Variants in ALDH1L1 observed in about 807,000 individuals in gnomAD.
ALDH1L1 encodes the protein aldehyde dehydrogenase 1 family member L1.
ALDH1L1 carries 68 observed loss-of-function variants against 101.1 expected under a neutral mutation model. The observed-to-expected ratio is 0.67, with a 90% CI of 0.55 to 0.82. The LOEUF (loss-of-function observed/expected upper bound fraction) is 0.82. Among genes scored for constraint, ALDH1L1 ranks in the 40% least tolerant of loss-of-function variants. The pLI is 0.00. For synonymous variants in ALDH1L1, 486 were observed against 470.8 expected (o/e 1.03, Z -0.42); for missense variants, 1,087 against 1,172.7 (o/e 0.93, Z 1.07).
At chr3:126,189,853 AAAGCCAATGGTAGTGC>A (rs2081542243) in intron 1 of ALDH1L1, among the ~76,000 whole-genome samples, 3 of 152,204 alleles carry the variant, frequency 2.0e-5, no homozygotes, top group Non-Finnish European at 4.4e-5. Context: ...GATTCCCCGC[AAAGCCAATGGTAGTGC>A]CTTTGGCCAA....
In ALDH1L1 at chr3:126,118,002, C is replaced by T; in HGVS notation, c.1982+3G>A. On this transcript the variant is annotated splice_donor_region_variant and intron_variant, in intron 17 of 22. Transcript: ENST00000393434. ...CTCCTCTGCTCCACCCCCAGCCACG[C>T]ACCTTTTCATGATGTGCTTGCCCAC... is the stretch of plus-strand genomic sequence containing the variant. 1.2e-6 allele frequency: 2 copies of T among 1,612,970 alleles called. No homozygotes were observed. Among genetic ancestry groups the T allele is most frequent in the Non-Finnish European group, 8.5e-7 (1 of 1,179,596 alleles).
At chr3:126,194,501 T>C (rs74497809) in intron 1 of ALDH1L1, among the ~76,000 whole-genome samples, 3 of 152,168 alleles carry the variant, frequency 2.0e-5, no homozygotes, top group African/African-American at 7.2e-5. Flanking sequence ...TGAGGTGAGA[T>C]TCTTATAAAC....
At chr3:126,127,540 A>G (rs2080215201) in intron 14 of ALDH1L1, among the ~76,000 whole-genome samples, 1 of 151,936 alleles carries the variant, frequency 6.6e-6, no homozygotes, top group Non-Finnish European at 1.5e-5. Context: ...TGGGCAGGGG[A>G]CACCAAGCAA....
chr3:126,123,940 CAAG>C (rs1018895711), intron 16 of ALDH1L1, among the ~76,000 whole-genome samples: 2 of 152,134 alleles, frequency 1.3e-5, no homozygotes, highest in African/African-American at 2.4e-5. Context: ...GAAATCTGCA[CAAG>C]AAGAGACTTT....
upstream of ALDH1L1, among the ~76,000 whole-genome samples, chr3:126,183,005 A>T (rs930752343): frequency 1.3e-5 from 2 of 152,218 alleles, no homozygotes; most frequent in African/African-American, 2.4e-5. Flanking sequence ...GCTTCTCCAG[A>T]TGTCATATGA....
intron 17 of ALDH1L1, among the ~76,000 whole-genome samples, chr3:126,115,874 CT>C (rs969613302): frequency 6.0e-4 from 87 of 145,714 alleles, no homozygotes; most frequent in East Asian, 2.2e-3. Flanking sequence ...AGCACCCAGC[CT>C]TTTTTTTTTT....
In ALDH1L1 at chr3:126,157,498, G is replaced by T; in HGVS notation, c.373C>A (p.His125Asn). Residue 125 changes from histidine (H) to asparagine (N), a missense_variant, in exon 4 of 23, where the codon CAC becomes AAC. Coordinates refer to ENST00000393434, the MANE Select transcript of ALDH1L1 (RefSeq NM_012190.4). Reference protein sequence around the residue: ...GASAINWTLIHGDKKGGFSIF... With the variant: ...GASAINWTLINGDKKGGFSIF... ...GAAAACCCCCCTTTCTTATCTCCGT[G>T]AATGAGGGTCCTAGGAAGCAGAAGA... The T allele has an allele frequency of 6.2e-7, 1 of 1,613,894 alleles. No homozygotes were observed. The highest frequency in any genetic ancestry group is 8.5e-7 in the Non-Finnish European group (1 of 1,179,948).
At chr3:126,109,725 C>T (rs1331156340) in intron 20 of ALDH1L1, among the ~76,000 whole-genome samples, 1 of 152,168 alleles carries the variant, frequency 6.6e-6, no homozygotes, top group Non-Finnish European at 1.5e-5. Context: ...CAGTTCAATA[C>T]TGAATAAACC....
intron 1 of ALDH1L1, among the ~76,000 whole-genome samples, chr3:126,179,454 C>T (rs1401308654): frequency 6.6e-6 from 1 of 152,106 alleles, no homozygotes; most frequent in Admixed American, 6.5e-5. Context: ...GAGCCGAGAT[C>T]GTGCCACTGC....
At chr3:126,108,511 G>T (rs1272745781) in intron 20 of ALDH1L1, among the ~76,000 whole-genome samples, 1 of 152,210 alleles carries the variant, frequency 6.6e-6, no homozygotes, top group Non-Finnish European at 1.5e-5. Context: ...AAGGGTCCTG[G>T]TGATGCTCCC....
intron 14 of ALDH1L1, 29 bp from the exon 15 acceptor site, chr3:126,125,750 C>A: frequency 5.4e-6 from 8 of 1,470,744 alleles, no homozygotes; most frequent in Non-Finnish European, 7.3e-6. Context: ...TGGCCTTTGT[C>A]CTTCTTCTCC....
chr3:126,153,847 G>C (rs1002363967), intron 6 of ALDH1L1, among the ~76,000 whole-genome samples: 2 of 152,360 alleles, frequency 1.3e-5, no homozygotes, highest in East Asian at 1.9e-4. Context: ...CATGGCCTCA[G>C]ACCTGAGGTG....
At chr3:126,159,947 C>A (rs1484743641) in intron 2 of ALDH1L1, among the ~76,000 whole-genome samples, 1 of 152,162 alleles carries the variant, frequency 6.6e-6, no homozygotes, top group Non-Finnish European at 1.5e-5. Context: ...CTACAAGCCC[C>A]CTTTCCTAAT....
At position 126,146,711 on chromosome 3, in the gene ALDH1L1, C is replaced by T. The variant is rs2108271380; in HGVS notation, c.1076+124G>A. The T allele has an allele frequency of 5.9e-6, 6 of 1,024,992 alleles. No homozygotes were observed. In the East Asian group the frequency reaches 1.3e-4, roughly 22 times the overall value. The allele number at this position is 1,024,992 out of a possible 1,614,324, so 63.5% of individuals were successfully genotyped here. A position where few individuals can be genotyped will look rare whatever the true frequency, so the allele number is the denominator to read the frequency against. On this transcript the variant is annotated intron_variant, in intron 9 of 22. Transcript: ENST00000393434. ...ACGCAGACCTGCACACTGGCCCTTC[C>T]TGGGTCCCTGGCCCACATGATCCAT...
rs749342590 is a variant in ALDH1L1 at position 126,105,943 on chromosome 3, G to A, written c.2454-18C>T. 9.3e-6 allele frequency: 15 copies of A among 1,609,580 alleles called. No homozygotes were observed. The East Asian group carries it at 3.3e-4, about 36-fold the overall frequency. On this transcript the variant is annotated intron_variant, in intron 21 of 22. Transcript: ENST00000393434. ...CCAAGTCCCTGGAGAGAAAGTCCAG[G>A]AAGAACTCCCTGAGGGAGGTGCAGA...
intron 1 of ALDH1L1, among the ~76,000 whole-genome samples, chr3:126,173,347 C>T (rs1246007367): frequency 1.3e-5 from 2 of 152,116 alleles, no homozygotes; most frequent in Non-Finnish European, 2.9e-5. Context: ...AAGGCCCTTA[C>T]ACTACCCATA....
At chr3:126,118,778 C>G (rs1559923559) in intron 16 of ALDH1L1, among the ~76,000 whole-genome samples, 1 of 152,114 alleles carries the variant, frequency 6.6e-6, no homozygotes, top group East Asian at 1.9e-4. Context: ...CTCCAAAACA[C>G]CCGCCCTCAG....
Position 126,112,924 on chromosome 3 carries a change from G to A in ALDH1L1, c.2083-44C>T, listed in dbSNP as rs749905338. 4 of 1,584,216 alleles carry A rather than the reference G, an allele frequency of 2.5e-6. No homozygotes were observed. In the African/African-American group the frequency reaches 4.0e-5, roughly 16 times the overall value. On this transcript the variant is annotated intron_variant, in intron 18 of 22. Transcript: ENST00000393434. ...AACACCAGGTCACTGCTCCTCCTGG[G>A]ACACCAGCCCCCGGCTCTGCCAGGG...
chr3:126,160,609 C>T (rs2081023793), intron 2 of ALDH1L1, among the ~76,000 whole-genome samples: 1 of 152,218 alleles, frequency 6.6e-6, no homozygotes, highest in African/African-American at 2.4e-5. Flanking sequence ...TTCTCTATAG[C>T]CCTTCTCCAG....
Sources: allele counts gnomAD v4.1 joint callset (sites outside exome capture counted in the v4.1 genomes callset), GRCh38; gene constraint gnomAD v4.1.1; transcripts MANE v1.5; gene names NCBI Gene and HGNC (gene_info 2026-07-23, HGNC 2026-07-21).